ALPL: variants seen among roughly 807,000 people sequenced by gnomAD.
The protein encoded by ALPL is alkaline phosphatase, biomineralization associated.
In ALPL, 42 loss-of-function variants were observed where a neutral mutation model predicts 51.3. The observed-to-expected ratio is 0.82, with a 90% confidence interval of 0.64 to 1.06. The LOEUF (loss-of-function observed/expected upper bound fraction) is 1.06, where lower values mean the gene tolerates loss of function less well. Among genes scored for constraint, ALPL ranks in the 50% least tolerant of loss-of-function variants. The pLI, the probability that ALPL is intolerant of heterozygous loss-of-function variation, is 0.00. For synonymous variants in ALPL, 279 were observed against 296.4 expected (o/e 0.94, Z 0.60); for missense variants, 589 against 709.4 (o/e 0.83, Z 1.93).
At chr1:21,577,033 G>A (rs553281653) in intron 11 of ALPL, among the ~76,000 whole-genome samples, 102 of 152,204 alleles carry the variant, frequency 6.7e-4, no homozygotes, top group Non-Finnish European at 1.2e-3. Flanking sequence ...TTTGCAGTTA[G>A]TTCATCCCAT....
intron 1 of ALPL, among the ~76,000 whole-genome samples, chr1:21,553,584 G>A (rs1644359872): frequency 6.6e-6 from 1 of 152,224 alleles, no homozygotes; most frequent in Admixed American, 6.5e-5. Flanking sequence ...AATACAATCG[G>A]AGCCTCACCA....
chr1:21,540,888 T>C (rs1221069752), intron 1 of ALPL, among the ~76,000 whole-genome samples: 1 of 152,212 alleles, frequency 6.6e-6, no homozygotes, highest in Admixed American at 6.5e-5. Flanking sequence ...GGCAGGTTAC[T>C]CCTTTCTTCC....
intron 6 of ALPL, 103 bp from the exon 7 acceptor site, chr1:21,568,001 C>A: frequency 6.5e-7 from 1 of 1,531,928 alleles, no homozygotes; most frequent in Non-Finnish European, 9.0e-7. Flanking sequence ...AAAGTGTCCA[C>A]ACCATCTCCA....
intron 1 of ALPL, among the ~76,000 whole-genome samples, chr1:21,510,962 T>C (rs1643674916): frequency 6.6e-6 from 1 of 152,130 alleles, no homozygotes; most frequent in Non-Finnish European, 1.5e-5. Context: ...CTAGGCTGAG[T>C]GATGATCCCG....
chr1:21,554,815 GTCTTTCTTTCTTTCTTTCTT>G (rs60858822), intron 2 of ALPL, among the ~76,000 whole-genome samples: 52 of 83,746 alleles, frequency 6.2e-4, no homozygotes, highest in Admixed American at 1.2e-3. Flanking sequence ...CTGTCTGTCT[GTCTTTCTTTCTTTCTTTCTT>G]TCTTTCTTTC....
intron 1 of ALPL, among the ~76,000 whole-genome samples, chr1:21,536,353 G>A (rs1644105152): frequency 6.6e-6 from 1 of 152,186 alleles, no homozygotes; most frequent in Non-Finnish European, 1.5e-5. Flanking sequence ...TGATTTGGTT[G>A]CTCACAATCT....
chr1:21,520,371 C>CAG (rs1398735146), intron 1 of ALPL, among the ~76,000 whole-genome samples: 1 of 151,990 alleles, frequency 6.6e-6, no homozygotes, highest in Non-Finnish European at 1.5e-5. Flanking sequence ...CTCAGGCAAT[C>CAG]CTCCCACCTC....
At chr1:21,528,221 T>G (rs1192613757) in intron 1 of ALPL, among the ~76,000 whole-genome samples, 1 of 152,012 alleles carries the variant, frequency 6.6e-6, no homozygotes, top group Non-Finnish European at 1.5e-5. Context: ...GGTTTCCTTA[T>G]GTTGCCCAGG....
intron 1 of ALPL, among the ~76,000 whole-genome samples, chr1:21,549,728 G>A (rs1644296999): frequency 6.6e-6 from 1 of 152,152 alleles, no homozygotes; most frequent in Non-Finnish European, 1.5e-5. Context: ...CTCTCAAAGT[G>A]CTGGGATTAC....
chr1:21,549,773 T>G (rs569714034), intron 1 of ALPL, among the ~76,000 whole-genome samples: 1 of 152,336 alleles, frequency 6.6e-6, no homozygotes, highest in Non-Finnish European at 1.5e-5. Context: ...CGGTAGTATA[T>G]GGCTCAGAAA....
chr1:21,513,059 CTATTATTAT>C (rs146470644), intron 1 of ALPL, among the ~76,000 whole-genome samples: 9 of 150,794 alleles, frequency 6.0e-5, no homozygotes, highest in South Asian at 2.1e-4. Context: ...CTCGCCCTCT[CTATTATTAT>C]TATTATTATT....
At chr1:21,561,612 G>A (rs1019681274) in intron 4 of ALPL, among the ~76,000 whole-genome samples, 17 of 151,250 alleles carry the variant, frequency 1.1e-4, no homozygotes, top group Non-Finnish European at 2.4e-4. Context: ...TACAGCCTTG[G>A]CCTCCCAGTC....
intron 1 of ALPL, among the ~76,000 whole-genome samples, chr1:21,531,105 C>T (rs957330793): frequency 6.6e-6 from 1 of 151,960 alleles, no homozygotes; most frequent in Non-Finnish European, 1.5e-5. Flanking sequence ...AGGCACCCAC[C>T]ACCACACCCG....
At chr1:21,560,503 C>A in intron 2 of ALPL, 123 bp from the exon 3 acceptor site, 1 of 1,313,224 alleles carries the variant, frequency 7.6e-7, no homozygotes, top group Non-Finnish European at 1.1e-6. Flanking sequence ...GGGTGGGCAA[C>A]TATTGCACCC....
At chr1:21,541,594 C>T (rs766149507) in intron 1 of ALPL, among the ~76,000 whole-genome samples, 2 of 152,376 alleles carry the variant, frequency 1.3e-5, no homozygotes, top group Admixed American at 6.5e-5. Context: ...GAGCTCACCA[C>T]GGTGAGAGGG....
intron 1 of ALPL, chr1:21,551,439 T>G (rs1255239824): frequency 1.3e-5 from 2 of 152,186 alleles, no homozygotes; most frequent in African/African-American, 4.8e-5. Flanking sequence ...GTGACTTCAT[T>G]TTTAAGTGAT....
intron 1 of ALPL, among the ~76,000 whole-genome samples, chr1:21,539,998 C>T (rs111527754): frequency 0.011 from 1,739 of 152,110 alleles, 39 homozygotes; most frequent in African/African-American, 0.039. Context: ...AAGGATGGGC[C>T]GGCCATGTCT....
Position 21,563,366 on chromosome 1 carries a change from G to A in ALPL, c.472+82G>A, listed in dbSNP as rs1040895663. The A allele has an allele frequency of 1.2e-5, 18 of 1,490,056 alleles. No homozygotes were observed. In the South Asian group the frequency reaches 1.7e-4, roughly 14 times the overall value. The allele number at this position is 1,490,056 out of a possible 1,614,324, so 92.3% of individuals were successfully genotyped here. The stretch of plus-strand genomic sequence containing the variant: ...GTCTTTCTGACTGTGTCATGGGAAG[G>A]GGCTAGAAAAGGCTTCTCTGTGGGG... On this transcript the variant is annotated intron_variant, in intron 5 of 11. Coordinates refer to ENST00000374840, the MANE Select transcript of ALPL (RefSeq NM_000478.6).
chr1:21,522,704 A>G (rs1030276732), intron 1 of ALPL, among the ~76,000 whole-genome samples: 4 of 152,148 alleles, frequency 2.6e-5, no homozygotes, highest in Non-Finnish European at 2.9e-5. Flanking sequence ...TCGGGCACAC[A>G]ATAGGTCTTC....
Sources: gnomAD v4.1 joint callset for allele counts (sites outside exome capture counted in the v4.1 genomes callset) on GRCh38, gnomAD v4.1.1 for gene constraint, MANE v1.5 for transcripts, NCBI Gene and HGNC (gene_info 2026-07-23, HGNC 2026-07-21) for gene names.